USO1: variants seen among roughly 807,000 people sequenced by gnomAD.
USO1 encodes general vesicular transport factor p115.
A neutral mutation model predicts 124.5 loss-of-function variants in USO1; 57 were observed. The observed-to-expected ratio is 0.46, with a 90% confidence interval of 0.37 to 0.57. USO1 has a LOEUF of 0.57. Ranked by LOEUF, USO1 falls within the 20% of genes least tolerant of loss-of-function variation. USO1 has a pLI of 0.00. For synonymous variants in USO1, 369 were observed against 362.8 expected, an observed-to-expected ratio of 1.02 and a Z score of -0.19; for missense variants, 900 against 1,040.6, an observed-to-expected ratio of 0.86 and a Z score of 1.86.
Position 75,812,362 on chromosome 4 carries a change from A to G in USO1, c.2786A>G (p.Asp929Gly). 1 of 1,587,874 alleles carries G rather than the reference A, an allele frequency of 6.3e-7. No individual in the cohort carries two copies. Among genetic ancestry groups the G allele is most frequent in the South Asian group, 1.2e-5 (1 of 86,740 alleles). ...CTGTCATTGAAGAATAAACTCAAGGATCTTGGTCATCCAGTAAGATTAAAA... is the reference window on the plus strand; with the variant it reads ...CTGTCATTGAAGAATAAACTCAAGGGTCTTGGTCATCCAGTAAGATTAAAA... ...KILSLKNKLK[D>G]LGHPVEEEDE... Residue 929 changes from aspartate to glycine, a missense_variant, in exon 23 of 24, where the codon GAT (aspartate) becomes GGT (glycine). By Grantham distance (94) the Asp-to-Gly change is moderately conservative. Around this residue, in one of 2 missense-constraint regions of USO1, gnomAD observed 362 missense variants for 359.0 expected, o/e 1.01. Coordinates refer to ENST00000514213, the MANE Select transcript of USO1 (RefSeq NM_003715.4).
At chr4:75,751,002 A>G (rs1243942384) in intron 1 of USO1, among the ~76,000 whole-genome samples, 5 of 151,998 alleles carry the variant, frequency 3.3e-5, no homozygotes, top group Non-Finnish European at 4.4e-5. Context: ...TTATTATACC[A>G]TGGTATTTTC....
chr4:75,774,774 A>G lies in USO1; in HGVS notation c.654A>G (p.Ser218=), dbSNP rs6827302. The change falls in exon 8 of 24, where the codon TCA becomes TCG. Residue 218 remains serine, a synonymous_variant. Transcript: ENST00000514213. ...NAFERLLDII[S]EEGNSDGGIV... Reference sequence around the variant, plus strand: ...TCGAGAGACTACTGGACATTATTTCAGAGGAGGGGAACAGTGATGGAGGTA... The same window carrying G: ...TCGAGAGACTACTGGACATTATTTCGGAGGAGGGGAACAGTGATGGAGGTA... 62,671 of 1,613,604 alleles carry G rather than the reference A, an allele frequency of 0.039. 1,389 individuals carry two copies. The highest frequency in any genetic ancestry group is 0.045 in the Non-Finnish European group (53,463 of 1,179,670).
intron 13 of USO1, among the ~76,000 whole-genome samples, chr4:75,797,903 A>G (rs1722736494): frequency 6.6e-6 from 1 of 152,200 alleles, no homozygotes; most frequent in Non-Finnish European, 1.5e-5. Context: ...TCAGCCTCCC[A>G]AAGTGCTGGG....
chr4:75,794,122 C>A (rs1327975094), intron 13 of USO1, among the ~76,000 whole-genome samples: 1 of 152,194 alleles, frequency 6.6e-6, no homozygotes, highest in Non-Finnish European at 1.5e-5. Context: ...GATGAAAATA[C>A]ATGTTCTGGG....
chr4:75,798,200 A>G (rs1277314442), intron 13 of USO1, among the ~76,000 whole-genome samples: 1 of 152,188 alleles, frequency 6.6e-6, no homozygotes, highest in East Asian at 1.9e-4. Context: ...CCCAAAAGCC[A>G]TGCTTTTAGA....
chr4:75,749,346 G>C (rs1219607788), intron 1 of USO1, among the ~76,000 whole-genome samples: 1 of 151,636 alleles, frequency 6.6e-6, no homozygotes, highest in Non-Finnish European at 1.5e-5. Flanking sequence ...CATTTGCATT[G>C]CCAAAATCTT....
chr4:75,788,802 G>A (rs1015900248), intron 10 of USO1, among the ~76,000 whole-genome samples: 3 of 151,888 alleles, frequency 2.0e-5, no homozygotes, highest in African/African-American at 7.3e-5. Flanking sequence ...TGAAGTGCTA[G>A]GATTACAGGC....
chr4:75,787,073 A>G lies in USO1; in HGVS notation c.867A>G (p.Val289=), dbSNP rs201590132. ...NLHLMLQLVR[V]LVSPTNPPGA... ...TCTTTCTTTCACAGCTTGTTCGTGT[A>G]TTGGTATCTCCCACCAACCCTCCTG... The change falls in exon 10 of 24, where the codon GTA becomes GTG. Residue 289 remains valine (V), a synonymous_variant. Coordinates refer to ENST00000514213, the MANE Select transcript of USO1 (RefSeq NM_003715.4). 5.4e-5 allele frequency: 85 copies of G among 1,582,046 alleles called. No homozygotes were observed. The East Asian group carries it at 1.5e-3, about 28-fold the overall frequency.
Position 75,790,848 on chromosome 4 carries a change from C to T in USO1, c.1240+51C>T, listed in dbSNP as rs1197647303. ...TTTGAAAAAGTAAATCATTGTCTTCCAAGCTTTTAATTGATTCTTTCTTTT... is the reference window on the plus strand; with the variant it reads ...TTTGAAAAAGTAAATCATTGTCTTCTAAGCTTTTAATTGATTCTTTCTTTT... On this transcript the variant is annotated intron_variant, in intron 12 of 23. Coordinates refer to ENST00000514213, the MANE Select transcript of USO1 (RefSeq NM_003715.4). 7.5e-6 allele frequency: 11 copies of T among 1,472,786 alleles called. No homozygotes were observed. In the African/African-American group the frequency reaches 1.4e-4, roughly 19 times the overall value. The allele number at this position is 1,472,786 out of a possible 1,614,324, so 91.2% of individuals were successfully genotyped here.
chr4:75,770,040 A>G (rs1265900088), intron 4 of USO1: 1 of 153,850 alleles, frequency 6.5e-6, no homozygotes, highest in African/African-American at 2.4e-5. Context: ...ACTTATATAC[A>G]ATAAAATTTA....
intron 1 of USO1, among the ~76,000 whole-genome samples, chr4:75,731,295 C>T (rs1378531566): frequency 6.6e-6 from 1 of 152,222 alleles, no homozygotes; most frequent in Non-Finnish European, 1.5e-5. Flanking sequence ...GGCCTGGTGG[C>T]TCACGCCTGT....
At chr4:75,804,057 A>G (rs1200964145) in intron 17 of USO1, 77 bp from the exon 18 acceptor site, 13 of 1,510,518 alleles carry the variant, frequency 8.6e-6, no homozygotes, top group African/African-American at 1.4e-5. Context: ...AATGACCTCT[A>G]ATTTTTAAAA....
At chr4:75,754,169 G>A (rs1317511290) in intron 3 of USO1, among the ~76,000 whole-genome samples, 4 of 149,618 alleles carry the variant, frequency 2.7e-5, no homozygotes, top group Non-Finnish European at 4.4e-5. Context: ...TGCAGCCTCT[G>A]CCTCCTGGGT....
Position 75,787,172 on chromosome 4 carries a change from T to A in USO1, c.966T>A (p.Ala322=), listed in dbSNP as rs192189640. ...AGCAGCTTTGTACTATCCTAATGGC[T>A]ACTGGGGTTCCTGCTGATATCCTGA... ...LLQQLCTILM[A]TGVPADILTE... Residue 322 remains alanine (A), a synonymous_variant, in exon 10 of 24, where the codon GCT becomes GCA. Coordinates refer to ENST00000514213, the MANE Select transcript of USO1 (RefSeq NM_003715.4). The A allele has an allele frequency of 2.2e-4, 341 of 1,565,484 alleles. 2 individuals are homozygous for A. The African/African-American group carries it at 4.4e-3, about 20-fold the overall frequency.
chr4:75,751,099 T>C (rs1386114724), intron 1 of USO1, among the ~76,000 whole-genome samples: 2 of 152,076 alleles, frequency 1.3e-5, no homozygotes, highest in African/African-American at 4.8e-5. Flanking sequence ...TCATATTGGA[T>C]AGTTAAGTTG....
At chr4:75,741,150 G>T (rs1720948029) in intron 1 of USO1, among the ~76,000 whole-genome samples, 1 of 152,136 alleles carries the variant, frequency 6.6e-6, no homozygotes, top group Non-Finnish European at 1.5e-5. Context: ...CCATAAACCT[G>T]TACAGCGTGT....
chr4:75,790,647 G>A lies in USO1; in HGVS notation c.1090G>A (p.Ala364Thr). Reference sequence around the variant, plus strand: ...TTTTCTTTTTAAATGCAACAGACCGGCAATTGTAGTACTTCTCATGTCCAT... The same window carrying A: ...TTTTCTTTTTAAATGCAACAGACCGACAATTGTAGTACTTCTCATGTCCAT... Reference protein sequence around the residue: ...VNAPSNPPRPAIVVLLMSMVN... With the variant: ...VNAPSNPPRPTIVVLLMSMVN... The change falls in exon 12 of 24, where the codon GCA becomes ACA. Residue 364 changes from alanine to threonine, a missense_variant. Ala to Thr is a moderately conservative substitution (Grantham distance 58). Coordinates refer to ENST00000514213, the MANE Select transcript of USO1 (RefSeq NM_003715.4). 3 of 1,603,322 alleles carry A rather than the reference G, an allele frequency of 1.9e-6. No homozygotes were observed. Among genetic ancestry groups the A allele is most frequent in the Admixed American group, 1.7e-5 (1 of 57,202 alleles).
intron 1 of USO1, among the ~76,000 whole-genome samples, chr4:75,749,808 A>G (rs1056284670): frequency 1.4e-5 from 2 of 147,170 alleles, no homozygotes; most frequent in Non-Finnish European, 3.0e-5. Context: ...GCTGGAGTGC[A>G]GTGGTGCGAT....
At chr4:75,809,322 C>T (rs1189995412) in intron 21 of USO1, among the ~76,000 whole-genome samples, 1 of 152,000 alleles carries the variant, frequency 6.6e-6, no homozygotes, top group African/African-American at 2.4e-5. Context: ...GGCAGTTTTT[C>T]TGCTGTCATA....
Sources: gnomAD v4.1 joint callset for allele counts (sites outside exome capture counted in the v4.1 genomes callset) on GRCh38, gnomAD v4.1.1 for gene constraint, gnomAD v4.1.1 regional missense constraint, MANE v1.5 for transcripts, NCBI Gene and HGNC (gene_info 2026-07-23, HGNC 2026-07-21) for gene names.